The following MAPK8IP3 variants were observed in gnomAD, a reference collection of about 807,000 sequenced individuals.
MAPK8IP3 encodes C-Jun-amino-terminal kinase-interacting protein 3.
Under a neutral mutation model 157.8 loss-of-function variants are expected in MAPK8IP3, and 49 were observed. The observed-to-expected ratio is 0.31, with a 90% confidence interval of 0.25 to 0.39. The LOEUF (loss-of-function observed/expected upper bound fraction) is 0.39. Ranked by LOEUF, MAPK8IP3 falls within the 10% of genes least tolerant of loss-of-function variation. The pLI is 1.00. For missense variants in MAPK8IP3, 1,478 were observed against 1,889.4 expected (o/e 0.78, Z 4.04); for synonymous variants, 897 against 777.7 (o/e 1.15, Z -2.55).
chr16:1,735,674 ACCGT>A (rs1184405396), intron 4 of MAPK8IP3, among the ~76,000 whole-genome samples: 29 of 134,830 alleles, frequency 2.2e-4, no homozygotes, highest in Admixed American at 9.9e-4. Flanking sequence ...CATCCGTGTG[ACCGT>A]CCGTGTGAGC....
intron 4 of MAPK8IP3, among the ~76,000 whole-genome samples, chr16:1,736,171 C>T (rs1380166324): frequency 7.2e-5 from 7 of 97,698 alleles, no homozygotes; most frequent in Admixed American, 2.7e-4. Flanking sequence ...TGTGAGCGTC[C>T]GTGTGAGCGT....
chr16:1,757,287 G>A (rs1465382260), intron 8 of MAPK8IP3, among the ~76,000 whole-genome samples: 1 of 152,086 alleles, frequency 6.6e-6, no homozygotes, highest in African/African-American at 2.4e-5. Flanking sequence ...TGTATTTTTA[G>A]TAGAGACGGG....
intron 7 of MAPK8IP3, 102 bp from the exon 8 acceptor site, chr16:1,748,500 A>G: frequency 8.6e-7 from 1 of 1,163,514 alleles, no homozygotes; most frequent in East Asian, 2.5e-5. Flanking sequence ...CAGTGTGGGC[A>G]TTGAATGGCC....
chr16:1,716,852 G>C (rs1307729624), intron 1 of MAPK8IP3, among the ~76,000 whole-genome samples: 2 of 151,980 alleles, frequency 1.3e-5, no homozygotes, highest in Admixed American at 1.3e-4. Context: ...AGGTCAAGGA[G>C]ATCGAGACCA....
At chr16:1,719,668 C>CAAA (rs58680997) in intron 1 of MAPK8IP3, among the ~76,000 whole-genome samples, 11,200 of 50,934 alleles carry the variant, frequency 0.22, 1,098 homozygotes, top group African/African-American at 0.36. Flanking sequence ...CCCATCTCTA[C>CAAA]AAAAAAAAAA....
rs370759337 is a variant in MAPK8IP3, at chr16:1,768,431, G to A, written c.3743-46G>A. The stretch of plus-strand genomic sequence containing the variant: ...CATCCCCTGCATGCCAGTGGCCGCC[G>A]CCTCCCCCAGGAGGCCGCTGTCCTG... On this transcript the variant is annotated intron_variant, in intron 30 of 31. Coordinates refer to ENST00000610761, the MANE Select transcript of MAPK8IP3 (RefSeq NM_001318852.2). 4.6e-5 allele frequency: 74 copies of A among 1,594,498 alleles called. 1 individual carries two copies. Among genetic ancestry groups the A allele is most frequent in the East Asian group, 9.0e-5 (4 of 44,568 alleles).
At chr16:1,722,270 T>C (rs2038576907) in intron 1 of MAPK8IP3, among the ~76,000 whole-genome samples, 1 of 152,206 alleles carries the variant, frequency 6.6e-6, no homozygotes, top group South Asian at 2.1e-4. Context: ...ACACAGACTC[T>C]TCCTGCTGCC....
At chr16:1,762,524 C>A in intron 14 of MAPK8IP3, 43 bp downstream of exon 14, 9 of 1,607,932 alleles carry the variant, frequency 5.6e-6, no homozygotes, top group Non-Finnish European at 6.8e-6. Context: ...GGGATCATCC[C>A]TGACGGCAGG....
In MAPK8IP3 at chr16:1,762,870, C is replaced by G. The variant is rs573495601; in HGVS notation, c.1762C>G (p.Pro588Ala). Residue 588 changes from proline (P) to alanine (A), a missense_variant, in exon 16 of 32, where the codon CCT becomes GCT. Physicochemically the swap from Pro to Ala is conservative, Grantham distance 27. Coordinates refer to ENST00000610761, the MANE Select transcript of MAPK8IP3 (RefSeq NM_001318852.2). The stretch of plus-strand genomic sequence containing the variant: ...CCTCTTCAGCTCTTCCTCCAGCCCC[C>G]CTCCGGCCAAGCGCCCCTATCCCTC... ...SRLFSSSSSP[P>A]PAKRPYPSVN... The G allele has an allele frequency of 2.6e-5, 42 of 1,613,240 alleles. No individual in the cohort carries two copies. Among genetic ancestry groups the G allele is most frequent in the African/African-American group, 2.3e-4 (17 of 75,050 alleles).
chr16:1,738,340 GTCCGTGTGTGTGACCA>G (rs1355051237), intron 4 of MAPK8IP3, among the ~76,000 whole-genome samples: 2 of 92,504 alleles, frequency 2.2e-5, no homozygotes, highest in Non-Finnish European at 4.2e-5. Flanking sequence ...GCGTGTGACC[GTCCGTGTGTGTGACCA>G]TCCGTGTGAG....
intron 1 of MAPK8IP3, among the ~76,000 whole-genome samples, chr16:1,718,256 C>T (rs1394944761): frequency 2.0e-5 from 3 of 151,246 alleles, no homozygotes; most frequent in African/African-American, 7.3e-5. Context: ...ATGGCCTCGG[C>T]TCACTGCAAC....
chr16:1,749,686 G>A (rs192237535), intron 8 of MAPK8IP3, among the ~76,000 whole-genome samples: 1 of 152,222 alleles, frequency 6.6e-6, no homozygotes, highest in African/African-American at 2.4e-5. Context: ...CCCCTTGCAC[G>A]CGTCAGGGTC....
At chr16:1,727,188 C>T (rs754562225) in intron 2 of MAPK8IP3, among the ~76,000 whole-genome samples, 14 of 146,452 alleles carry the variant, frequency 9.6e-5, no homozygotes, top group African/African-American at 2.3e-4. Context: ...GTGCTGTGTG[C>T]GGCATCTGAG....
At chr16:1,711,914 G>C (rs2037798738) in intron 1 of MAPK8IP3, among the ~76,000 whole-genome samples, 1 of 146,168 alleles carries the variant, frequency 6.8e-6, no homozygotes, top group Admixed American at 6.9e-5. Context: ...CTGCACTCCA[G>C]CCTGGGCAAT....
intron 10 of MAPK8IP3, 124 bp downstream of exon 10, chr16:1,759,119 G>T: frequency 4.6e-6 from 6 of 1,301,070 alleles, no homozygotes; most frequent in Non-Finnish European, 6.6e-6. Flanking sequence ...GGTCAGGGGG[G>T]CAGCCCTGAG....
chr16:1,738,859 G>A (rs111208273), intron 4 of MAPK8IP3, among the ~76,000 whole-genome samples: 9,600 of 89,856 alleles, frequency 0.11, 166 homozygotes, highest in African/African-American at 0.21. Flanking sequence ...GCGTGTGAGC[G>A]TCCGTGTGAG....
chr16:1,711,060 TCAGA>T (rs1399816632), intron 1 of MAPK8IP3, among the ~76,000 whole-genome samples: 2 of 152,262 alleles, frequency 1.3e-5, no homozygotes, highest in African/African-American at 4.8e-5. Flanking sequence ...CTGGCAGCAG[TCAGA>T]CAGGGCCGAG....
intron 10 of MAPK8IP3, 46 bp from the exon 11 acceptor site, chr16:1,759,912 C>A: frequency 1.3e-6 from 2 of 1,564,118 alleles, no homozygotes; most frequent in Non-Finnish European, 1.8e-6. Context: ...GCATCAGTGA[C>A]CTGTTTTGAA....
At chr16:1,753,348 A>G (rs2041404486) in intron 8 of MAPK8IP3, among the ~76,000 whole-genome samples, 1 of 152,126 alleles carries the variant, frequency 6.6e-6, no homozygotes, top group Non-Finnish European at 1.5e-5. Context: ...TCAAACTCCT[A>G]GACTCAAGTG....
Sources: gnomAD v4.1 joint callset for allele counts (sites outside exome capture counted in the v4.1 genomes callset) on GRCh38, gnomAD v4.1.1 for gene constraint, MANE v1.5 for transcripts, NCBI Gene and HGNC (gene_info 2026-07-23, HGNC 2026-07-21) for gene names.